The following ZNF680 variants were observed in gnomAD, a reference collection of about 807,000 sequenced individuals.
ZNF680 encodes the protein zinc finger protein 680, also known as hypothetical protein FLJ90430.
ZNF680 carries 6 observed loss-of-function variants against 12.1 expected under a neutral mutation model. That is an observed-to-expected ratio of 0.49 (90% CI 0.27 to 0.98). The LOEUF (loss-of-function observed/expected upper bound fraction) is 0.98. ZNF680 is among the 50% of genes least tolerant of loss of function. The pLI, the probability that ZNF680 is intolerant of heterozygous loss-of-function variation, is 0.12. For synonymous variants in ZNF680, 170 were observed against 199.3 expected, an observed-to-expected ratio of 0.85 and a Z score of 1.24; for missense variants, 561 against 616.3, an observed-to-expected ratio of 0.91 and a Z score of 0.95.
rs746254490 is a variant in ZNF680, at chr7:64,522,058, A to G, written c.696T>C (p.His232=). ...CACATTTGTAGGGTTTCTCTCCCAT[A>G]TGAATTCCCTTATGTTTAATAAGCT... ...FSELIKHKGI[H]MGEKPYKCEE... The change falls in exon 4 of 4, where the codon CAT becomes CAC. Residue 232 remains histidine (H), a synonymous_variant. Transcript: ENST00000309683. 1.2e-6 allele frequency: 2 copies of G among 1,613,090 alleles called. No individual in the cohort carries two copies. Among genetic ancestry groups the G allele is most frequent in the Non-Finnish European group, 1.7e-6 (2 of 1,179,564 alleles).
intron 3 of ZNF680, among the ~76,000 whole-genome samples, chr7:64,528,278 T>G (rs1032322932): frequency 1.3e-5 from 2 of 152,050 alleles, no homozygotes; most frequent in South Asian, 4.2e-4. Flanking sequence ...TTGTGACAAT[T>G]TGAACCAGCT....
At chr7:64,512,189 C>T in the ZNF680 span, among the ~76,000 whole-genome samples, 4 of 151,934 alleles carry the variant, frequency 2.6e-5, no homozygotes, top group Non-Finnish European at 2.9e-5. Context: ...GTGGCTCATG[C>T]CTGTAATCCC....
intron 3 of ZNF680, among the ~76,000 whole-genome samples, chr7:64,530,443 A>G (rs995375206): frequency 5.9e-5 from 9 of 152,188 alleles, no homozygotes; most frequent in Admixed American, 5.9e-4. Flanking sequence ...GAACTCACAT[A>G]AAATTAAAGT....
intron 1 of ZNF680, among the ~76,000 whole-genome samples, chr7:64,545,649 C>T (rs1216180604): frequency 6.6e-6 from 1 of 152,162 alleles, no homozygotes; most frequent in Admixed American, 6.6e-5. Context: ...GTTCAAAATA[C>T]AGGTATCTCC....
intron 3 of ZNF680, among the ~76,000 whole-genome samples, chr7:64,535,416 AAGGG>A (rs373021265): frequency 6.8e-4 from 95 of 139,694 alleles, no homozygotes; most frequent in African/African-American, 2.2e-3. Flanking sequence ...GGAAAGAAGG[AAGGG>A]AGGGAGGGAG....
Position 64,528,255 on chromosome 7 carries a change from C to G in ZNF680, c.254-5755G>C, listed in dbSNP as rs535402290. On this transcript the variant is annotated intron_variant, in intron 3 of 3. Coordinates refer to ENST00000309683, the MANE Select transcript of ZNF680 (RefSeq NM_178558.5). ...AAAAACACCACAGGGAGAAGAAAAC[C>G]TCCAGCTGAACTTTGTGACAATTTG... 2.1e-3 allele frequency among the ~76,000 whole-genome samples: 321 copies of G among 152,262 alleles called. 3 individuals are homozygous for G. Among genetic ancestry groups the G allele is most frequent in the African/African-American group, 7.4e-3 (306 of 41,580 alleles).
chr7:64,558,177 G>A (rs1020495879), intron 1 of ZNF680, among the ~76,000 whole-genome samples: 1 of 152,104 alleles, frequency 6.6e-6, no homozygotes, highest in Admixed American at 6.5e-5. Context: ...GTTGGTTGGT[G>A]GAGGAAAAAG....
intron 1 of ZNF680, among the ~76,000 whole-genome samples, chr7:64,562,025 G>C (rs1398316628): frequency 6.7e-6 from 1 of 149,834 alleles, no homozygotes; most frequent in African/African-American, 2.5e-5. Context: ...ACAAGGTCAG[G>C]AGTTCAAGAC....
chr7:64,503,201 G>T, the ZNF680 span, among the ~76,000 whole-genome samples: 1 of 151,944 alleles, frequency 6.6e-6, no homozygotes, highest in Non-Finnish European at 1.5e-5. Context: ...CAAGAATTTA[G>T]ACAAAAATAA....
chr7:64,511,282 T>C, the ZNF680 span, among the ~76,000 whole-genome samples: 1 of 151,646 alleles, frequency 6.6e-6, no homozygotes, highest in African/African-American at 2.4e-5. Context: ...AAAAATAAAA[T>C]AAAATAAAAC....
chr7:64,519,015 CT>C (rs1791411936), downstream of ZNF680, among the ~76,000 whole-genome samples: 1 of 152,020 alleles, frequency 6.6e-6, no homozygotes, highest in African/African-American at 2.4e-5. Flanking sequence ...AACTACAAAG[CT>C]TCTGCAGAGC....
intron 3 of ZNF680, among the ~76,000 whole-genome samples, chr7:64,543,129 C>A (rs1193264757): frequency 6.6e-6 from 1 of 151,884 alleles, no homozygotes; most frequent in Non-Finnish European, 1.5e-5. Context: ...CATTTTTTTA[C>A]AGCAATGAAA....
intron 3 of ZNF680, among the ~76,000 whole-genome samples, chr7:64,526,967 G>C (rs1312059277): frequency 1.3e-5 from 2 of 152,226 alleles, no homozygotes; most frequent in African/African-American, 2.4e-5. Context: ...GCAGGGCAAG[G>C]TGGCTCACAC....
intron 1 of ZNF680, among the ~76,000 whole-genome samples, chr7:64,552,245 G>C (rs1317760583): frequency 6.6e-6 from 1 of 152,136 alleles, no homozygotes. Flanking sequence ...GTAGAGACAG[G>C]TTTCACTGTG....
At chr7:64,526,454 G>A in intron 3 of ZNF680, 1 of 1,416,286 alleles carries the variant, frequency 7.1e-7, no homozygotes, top group East Asian at 2.6e-5. Flanking sequence ...CTTTAGGGAG[G>A]CCAAGGCAGT....
chr7:64,499,231 T>C, the ZNF680 span, among the ~76,000 whole-genome samples: 1 of 152,098 alleles, frequency 6.6e-6, no homozygotes, highest in African/African-American at 2.4e-5. Flanking sequence ...CAGACAAGGC[T>C]TTCAGTGAAA....
intron 1 of ZNF680, among the ~76,000 whole-genome samples, chr7:64,546,678 G>A (rs1430730078): frequency 6.6e-6 from 1 of 152,142 alleles, no homozygotes; most frequent in Non-Finnish European, 1.5e-5. Flanking sequence ...GGAAGGCAGA[G>A]GTTGCAGTGA....
the ZNF680 span, among the ~76,000 whole-genome samples, chr7:64,512,239 AGAGATC>A: frequency 6.6e-6 from 1 of 151,872 alleles, no homozygotes; most frequent in Admixed American, 6.6e-5. Context: ...CACAAGGTCA[AGAGATC>A]GAGATCATCC....
chr7:64,554,768 T>A (rs929842339), intron 1 of ZNF680, among the ~76,000 whole-genome samples: 1 of 152,186 alleles, frequency 6.6e-6, no homozygotes, highest in Non-Finnish European at 1.5e-5. Flanking sequence ...ATGTGCTTTG[T>A]TAAACAGATG....
Sources: gnomAD v4.1 joint callset for allele counts (sites outside exome capture counted in the v4.1 genomes callset) on GRCh38, gnomAD v4.1.1 for gene constraint, MANE v1.5 for transcripts, NCBI Gene and HGNC (gene_info 2026-07-23, HGNC 2026-07-21) for gene names.